Variants in CYBC1 observed in about 807,000 individuals in gnomAD.
CYBC1 encodes the protein essential for reactive oxygen species protein.
Under a neutral mutation model 21.7 loss-of-function variants are expected in CYBC1, and 22 were observed. That is an observed-to-expected ratio of 1.02 (90% CI 0.73 to 1.45). The LOEUF is 1.45. CYBC1 is among the 40% of genes most tolerant of loss of function. The pLI, the probability that CYBC1 is intolerant of heterozygous loss-of-function variation, is 0.00. For missense variants in CYBC1, 237 were observed against 242.1 expected, an observed-to-expected ratio of 0.98 and a Z score of 0.14; for synonymous variants, 112 against 98.7, an observed-to-expected ratio of 1.13 and a Z score of -0.80.
chr17:82,446,476 G>A, intron 4 of CYBC1, 147 bp downstream of exon 4: 2 of 722,698 alleles, frequency 2.8e-6, no homozygotes, highest in Non-Finnish European at 4.8e-6. Context: ...ATGTCCTGAT[G>A]AACGGAGACC....
chr17:82,447,448 G>A (rs2054375691), intron 3 of CYBC1, 132 bp downstream of exon 3: 2 of 768,448 alleles, frequency 2.6e-6, no homozygotes, highest in African/African-American at 1.7e-5. Context: ...GTGCCCGCCA[G>A]CAATCAAGGG....
intron 3 of CYBC1, 160 bp downstream of exon 3, chr17:82,447,420 C>A: frequency 1.5e-6 from 1 of 676,906 alleles, no homozygotes. Flanking sequence ...GGAAGAACAG[C>A]AGCGCATGGA....
In CYBC1 at chr17:82,444,010, C is replaced by G; in HGVS notation, c.558G>C (p.Gln186His). ...CTCAGGCACAGTGGGGCTGTCAGCT[C>G]TGGCTTGCAGGGTCACCGGCCTCAC... ...SDSEAGDPAS[Q>H]S Residue 186 changes from glutamine to histidine, a missense_variant, in exon 7 of 7, where the codon CAG (glutamine) becomes CAC (histidine). By Grantham distance (24) the Gln-to-His change is conservative (BLOSUM62 0). Coordinates refer to ENST00000306645, the MANE Select transcript of CYBC1 (RefSeq NM_001033046.4). 2.5e-6 allele frequency: 4 copies of G among 1,612,694 alleles called. No homozygotes were observed. Among genetic ancestry groups the G allele is most frequent in the Non-Finnish European group, 3.4e-6 (4 of 1,179,970 alleles).
rs2054141912 is a variant in CYBC1, at chr17:82,444,321, G to T, written c.443+126C>A. The T allele has an allele frequency of 2.8e-6, 4 of 1,454,502 alleles. No individual in the cohort carries two copies. The South Asian group carries it at 4.0e-5, about 15-fold the overall frequency. The allele number at this position is 1,454,502 out of a possible 1,614,324, so 90.1% of individuals were successfully genotyped here. A position where few individuals can be genotyped will look rare whatever the true frequency, so the allele number is the denominator to read the frequency against. ...CCTGAGCCTGCACACGCTTCCCGTG[G>T]GCCCCTCTGTGTCCCGTCCACAAAC... On this transcript the variant is annotated intron_variant, in intron 6 of 6. Coordinates refer to ENST00000306645, the MANE Select transcript of CYBC1 (RefSeq NM_001033046.4).
Position 82,445,935 on chromosome 17 carries a change from C to T in CYBC1, c.227G>A (p.Gly76Glu). 6.2e-7 allele frequency: 1 copy of T among 1,613,854 alleles called. No homozygotes were observed. Among genetic ancestry groups the T allele is most frequent in the African/African-American group, 1.3e-5 (1 of 75,052 alleles). ...WEEAIFDKSTGKVVLKTFSLY... is the reference protein window; with the variant it reads ...WEEAIFDKSTEKVVLKTFSLY... ...GCTGAACGTCTTCAAAACAACCTTCCCTGTGCTCTTGTCGAAGATGGCTTC... is the reference window on the plus strand; with the variant it reads ...GCTGAACGTCTTCAAAACAACCTTCTCTGTGCTCTTGTCGAAGATGGCTTC... Residue 76 changes from glycine to glutamate, a missense_variant, in exon 5 of 7, where the codon GGG (glycine) becomes GAG (glutamate). Coordinates refer to ENST00000306645, the MANE Select transcript of CYBC1 (RefSeq NM_001033046.4).
In CYBC1 at chr17:82,443,792, G is replaced by T; in HGVS notation, c.*212C>A. On this transcript the variant is annotated 3_prime_UTR_variant, in exon 7 of 7. Coordinates refer to ENST00000306645, the MANE Select transcript of CYBC1 (RefSeq NM_001033046.4). This position sits in a 1 kb window ranked among gnomAD's most constrained non-coding sequence, Gnocchi z 6.7. Reference sequence around the variant, plus strand: ...CACGGGTCCTGTGGGCGGTGCACGGGCTCAGGCACACCGGGAATGTGCCAC... The same window carrying T: ...CACGGGTCCTGTGGGCGGTGCACGGTCTCAGGCACACCGGGAATGTGCCAC... 1.2e-6 allele frequency: 1 copy of T among 867,624 alleles called. No individual in the cohort carries two copies. Among genetic ancestry groups the T allele is most frequent in the Non-Finnish European group, 1.9e-6 (1 of 513,184 alleles). The allele number at this position is 867,624 out of a possible 1,614,324, so 53.7% of individuals were successfully genotyped here.
intron 3 of CYBC1, 111 bp downstream of exon 3, chr17:82,447,469 C>T (rs1007496313): frequency 1.6e-5 from 15 of 942,174 alleles, no homozygotes; most frequent in South Asian, 2.8e-5. Context: ...GCAGAGGTGC[C>T]GATCCTAAAG....
intron 1 of CYBC1, 78 bp from the exon 2 acceptor site, chr17:82,449,370 G>A (rs1359070801): frequency 4.4e-6 from 3 of 680,458 alleles, no homozygotes; most frequent in Non-Finnish European, 6.8e-6. Flanking sequence ...CAGTCTGGAG[G>A]CCAAGAGCAG....
chr17:82,442,656 GTTAT>G lies in CYBC1; in HGVS notation c.*1344_*1347del. 1 of 1,431,064 alleles carries G rather than the reference GTTAT, an allele frequency of 7.0e-7. No individual in the cohort carries two copies. The highest frequency in any genetic ancestry group is 2.3e-5 in the East Asian group (1 of 43,298). 88.6% of individuals were successfully genotyped at this position (1,431,064 alleles called of 1,614,324 possible). The stretch of plus-strand genomic sequence containing the variant: ...GGAAGCTGCAGGTGACACGTGAAGG[GTTAT>G]TTATGGTTATGATGACCCTGTCCTG... On this transcript the variant is annotated 3_prime_UTR_variant, in exon 7 of 7. Coordinates refer to ENST00000306645, the MANE Select transcript of CYBC1 (RefSeq NM_001033046.4). The surrounding 1 kb of genome is among the most constrained non-coding windows in gnomAD (Gnocchi z 6.8).
rs1276204830 is a variant in CYBC1 at position 82,442,950 on chromosome 17, G to A, written c.*1054C>T. ...AGAGCACTGGCGGGTCAGGATGGTT[G>A]GCGTTCAGCTCCTACGGGGTGGGGA... On this transcript the variant is annotated 3_prime_UTR_variant, in exon 7 of 7. Coordinates refer to ENST00000306645, the MANE Select transcript of CYBC1 (RefSeq NM_001033046.4). The surrounding 1 kb of genome is among the most constrained non-coding windows in gnomAD (Gnocchi z 6.8). 1.3e-5 allele frequency: 3 copies of A among 229,386 alleles called. No homozygotes were observed. The highest frequency in any genetic ancestry group is 2.3e-5 in the African/African-American group (1 of 44,028). The allele number at this position is 229,386 out of a possible 1,614,324, so 14.2% of individuals were successfully genotyped here.
intron 2 of CYBC1, 122 bp downstream of exon 2, chr17:82,449,048 C>G (rs1209715552): frequency 3.8e-6 from 3 of 792,620 alleles, no homozygotes; most frequent in Non-Finnish European, 6.0e-6. Context: ...TACAAAGAAA[C>G]AAAATAGCCA....
chr17:82,447,331 T>C (rs370597184), intron 3 of CYBC1: 60 of 533,440 alleles, frequency 1.1e-4, no homozygotes, highest in East Asian at 7.4e-4. Flanking sequence ...CCAGCCTGGG[T>C]GACAGAGCGA....
intron 3 of CYBC1, chr17:82,447,248 G>T (rs2143734598): frequency 2.5e-6 from 1 of 393,896 alleles, no homozygotes; most frequent in East Asian, 6.1e-5. Context: ...AGCTACTTGG[G>T]AGGCTGAGGC....
chr17:82,446,935 C>T, intron 3 of CYBC1: 2 of 577,224 alleles, frequency 3.5e-6, no homozygotes, highest in Non-Finnish European at 6.2e-6. Flanking sequence ...AGGGCCTCTG[C>T]CCGTCTGGGC....
chr17:82,445,852 C>T lies in CYBC1; in HGVS notation c.298+12G>A, dbSNP rs1194906045. 3.1e-6 allele frequency: 5 copies of T among 1,599,996 alleles called. No individual in the cohort carries two copies. In the African/African-American group the frequency reaches 5.4e-5, roughly 17 times the overall value. On this transcript the variant is annotated intron_variant, in intron 5 of 6. Coordinates refer to ENST00000306645, the MANE Select transcript of CYBC1 (RefSeq NM_001033046.4). ...GGCCGTGTCCCATGTCCCCACGCTC[C>T]CCACGACTCACCCTGGTCGTGGCCA...
chr17:82,444,183 A>G, intron 6 of CYBC1, 59 bp from the exon 7 acceptor site: 1 of 1,574,728 alleles, frequency 6.4e-7, no homozygotes, highest in East Asian at 2.2e-5. Context: ...GCACCGTGAG[A>G]CCCCACAGCA....
chr17:82,447,447 A>G, intron 3 of CYBC1, 133 bp downstream of exon 3: 2 of 763,532 alleles, frequency 2.6e-6, no homozygotes. Flanking sequence ...GGTGCCCGCC[A>G]GCAATCAAGG....
rs1483823656 is a variant in CYBC1 at position 82,442,659 on chromosome 17, A to G, written c.*1345T>C. ...AGCTGCAGGTGACACGTGAAGGGTT[A>G]TTTATGGTTATGATGACCCTGTCCT... On this transcript the variant is annotated 3_prime_UTR_variant, in exon 7 of 7. Transcript: ENST00000306645. The surrounding 1 kb of genome is among the most constrained non-coding windows in gnomAD (Gnocchi z 6.8). 1.4e-6 allele frequency: 2 copies of G among 1,432,552 alleles called. No individual in the cohort carries two copies. Among genetic ancestry groups the G allele is most frequent in the Non-Finnish European group, 9.5e-7 (1 of 1,051,956 alleles). The allele number at this position is 1,432,552 out of a possible 1,614,324, so 88.7% of individuals were successfully genotyped here.
At chr17:82,447,393 G>A (rs1287973124) in intron 3 of CYBC1, 187 bp downstream of exon 3, 4 of 635,884 alleles carry the variant, frequency 6.3e-6, no homozygotes, top group East Asian at 5.5e-5. Context: ...GCTGAGCGCT[G>A]GGCAGGATGG....
Sources: allele counts gnomAD v4.1 joint callset, GRCh38; gene constraint gnomAD v4.1.1; non-coding constraint Gnocchi (gnomAD v3.1); transcripts MANE v1.5; gene names NCBI Gene and HGNC (gene_info 2026-07-23, HGNC 2026-07-21).